The following SPAG16 variants were observed in gnomAD, a reference collection of about 807,000 sequenced individuals.
SPAG16 encodes sperm-associated antigen 16 protein.
A neutral mutation model predicts 80.4 loss-of-function variants in SPAG16; 86 were observed. That is an observed-to-expected ratio of 1.07 (90% CI 0.90 to 1.28). The LOEUF is 1.28. SPAG16 is among the 50% of genes most tolerant of loss of function. The pLI, the probability that SPAG16 is intolerant of heterozygous loss-of-function variation, is 0.00. For synonymous variants in SPAG16, 294 were observed against 265.9 expected (o/e 1.11, Z -1.03); for missense variants, 870 against 765.3 (o/e 1.14, Z -1.61).
intron 13 of SPAG16, among the ~76,000 whole-genome samples, chr2:214,059,213 T>TAC (rs2050115468): frequency 1.0e-5 from 1 of 98,892 alleles, no homozygotes; most frequent in South Asian, 4.1e-4. Flanking sequence ...TATATATATA[T>TAC]ATGTATGTGT....
intron 9 of SPAG16, among the ~76,000 whole-genome samples, chr2:213,445,258 G>C (rs541467963): frequency 1.4e-4 from 22 of 152,304 alleles, no homozygotes; most frequent in African/African-American, 5.1e-4. Context: ...CGATTCAACT[G>C]ACAAGAGATT....
intron 15 of SPAG16, among the ~76,000 whole-genome samples, chr2:214,367,029 G>A (rs1025104916): frequency 2.6e-5 from 4 of 152,084 alleles, no homozygotes; most frequent in African/African-American, 9.7e-5. Context: ...CTCTCCAACT[G>A]CACCTCTTTG....
chr2:213,474,251 A>G (rs1293271034), intron 9 of SPAG16, among the ~76,000 whole-genome samples: 5 of 152,194 alleles, frequency 3.3e-5, no homozygotes, highest in South Asian at 2.1e-4. Flanking sequence ...AAGGCTGCAC[A>G]TGCACTTTTT....
Position 214,343,321 on chromosome 2 carries a change from A to G in SPAG16, c.1721-66819A>G, listed in dbSNP as rs1697831666. Among the ~76,000 whole-genome samples, 3 of 152,164 alleles carry G rather than the reference A, an allele frequency of 2.0e-5. No individual in the cohort carries two copies. The South Asian group carries it at 6.2e-4, about 32-fold the overall frequency. On this transcript the variant is annotated intron_variant, in intron 15 of 15. Transcript: ENST00000331683. ...TAAAACTAAAAGTAGAAACTGGAGA[A>G]TCAGATTTTTAAAAGAGAGGTGTTA...
chr2:214,029,346 G>C (rs1003673877), intron 13 of SPAG16, among the ~76,000 whole-genome samples: 1 of 152,066 alleles, frequency 6.6e-6, no homozygotes, highest in African/African-American at 2.4e-5. Flanking sequence ...TGGGTAGGAA[G>C]AGTGGGACAA....
chr2:214,332,619 T>A (rs1026999200), intron 15 of SPAG16, among the ~76,000 whole-genome samples: 1 of 152,182 alleles, frequency 6.6e-6, no homozygotes, highest in Non-Finnish European at 1.5e-5. Flanking sequence ...GGGAAAATAT[T>A]TTTTGGTGTT....
chr2:214,211,536 A>G (rs948977128), intron 15 of SPAG16, among the ~76,000 whole-genome samples: 4 of 152,190 alleles, frequency 2.6e-5, no homozygotes, highest in Non-Finnish European at 5.9e-5. Flanking sequence ...GAGGTCTTAC[A>G]TCTTTTGGAA....
intron 10 of SPAG16, among the ~76,000 whole-genome samples, chr2:213,505,266 T>A (rs1375718084): frequency 6.6e-6 from 1 of 152,194 alleles, no homozygotes; most frequent in Non-Finnish European, 1.5e-5. Flanking sequence ...TCAAAACTAC[T>A]AGCTGCAGTT....
chr2:213,341,997 C>G (rs1438376946), intron 6 of SPAG16, among the ~76,000 whole-genome samples: 2 of 151,958 alleles, frequency 1.3e-5, no homozygotes, highest in Non-Finnish European at 2.9e-5. Context: ...CAGAGTTTTT[C>G]TAGATGTTGT....
intron 15 of SPAG16, among the ~76,000 whole-genome samples, chr2:214,354,809 T>C (rs1698667262): frequency 6.6e-6 from 1 of 152,158 alleles, no homozygotes; most frequent in Non-Finnish European, 1.5e-5. Flanking sequence ...TTGTCTGTTA[T>C]TGGTGTATAA....
intron 15 of SPAG16, among the ~76,000 whole-genome samples, chr2:214,293,036 G>T (rs1328429115): frequency 6.6e-6 from 1 of 152,220 alleles, no homozygotes; most frequent in East Asian, 1.9e-4. Context: ...TTGAGTCCCA[G>T]TGGTGGTAGT....
intron 9 of SPAG16, among the ~76,000 whole-genome samples, chr2:213,447,392 GA>G (rs2071394635): frequency 1.3e-5 from 2 of 152,196 alleles, no homozygotes; most frequent in African/African-American, 2.4e-5. Context: ...ATGGGAAGGG[GA>G]AACTTTTCTG....
At chr2:214,285,733 G>A (rs1693307073) in intron 15 of SPAG16, among the ~76,000 whole-genome samples, 1 of 152,026 alleles carries the variant, frequency 6.6e-6, no homozygotes, top group East Asian at 1.9e-4. Flanking sequence ...AACCTGGGAG[G>A]CGGAGGTTGC....
At chr2:214,377,324 A>T (rs1243592364) in intron 15 of SPAG16, among the ~76,000 whole-genome samples, 1 of 152,202 alleles carries the variant, frequency 6.6e-6, no homozygotes, top group Non-Finnish European at 1.5e-5. Context: ...AAGTTCTCCC[A>T]GGAAGCAGAG....
intron 11 of SPAG16, among the ~76,000 whole-genome samples, chr2:213,895,494 C>T (rs1360573058): frequency 6.6e-6 from 1 of 152,084 alleles, no homozygotes; most frequent in Non-Finnish European, 1.5e-5. Flanking sequence ...GAGCTGGAGT[C>T]ACACTACCTG....
chr2:213,972,568 T>C (rs1173171178), intron 12 of SPAG16, among the ~76,000 whole-genome samples: 1 of 152,186 alleles, frequency 6.6e-6, no homozygotes, highest in African/African-American at 2.4e-5. Flanking sequence ...CCACCTGCAA[T>C]GGTGAGGATG....
chr2:214,056,987 A>G (rs1168479484), intron 13 of SPAG16, among the ~76,000 whole-genome samples: 1 of 152,138 alleles, frequency 6.6e-6, no homozygotes, highest in African/African-American at 2.4e-5. Context: ...CAATTTAGTC[A>G]CATCCTCAGG....
intron 12 of SPAG16, among the ~76,000 whole-genome samples, chr2:213,944,331 C>T (rs566407174): frequency 6.6e-6 from 1 of 152,320 alleles, no homozygotes; most frequent in Admixed American, 6.5e-5. Context: ...AGGATTATTG[C>T]TTAGGTGTAA....
chr2:214,335,534 G>A (rs758544382), intron 15 of SPAG16, among the ~76,000 whole-genome samples: 4 of 151,486 alleles, frequency 2.6e-5, no homozygotes, highest in Non-Finnish European at 5.9e-5. Context: ...AACTGTACAT[G>A]ATTATTTTAG....
Sources: gnomAD v4.1 joint callset for allele counts (sites outside exome capture counted in the v4.1 genomes callset) on GRCh38, gnomAD v4.1.1 for gene constraint, MANE v1.5 for transcripts, NCBI Gene and HGNC (gene_info 2026-07-23, HGNC 2026-07-21) for gene names.